ORAI2: variants seen among roughly 807,000 people sequenced by gnomAD.
ORAI2 encodes protein orai-2.
In ORAI2, 10 loss-of-function variants were observed where a neutral mutation model predicts 16.2. The observed-to-expected ratio is 0.62, with a 90% CI of 0.38 to 1.04. ORAI2 has a LOEUF of 1.04. Ranked by LOEUF, ORAI2 falls within the 50% of genes least tolerant of loss-of-function variation. ORAI2 has a pLI of 0.01. For synonymous variants in ORAI2, 150 were observed against 157.5 expected, an observed-to-expected ratio of 0.95 and a Z score of 0.35; for missense variants, 238 against 355.5, an observed-to-expected ratio of 0.67 and a Z score of 2.66.
chr7:102,445,465 G>A (rs994530975), intron 3 of ORAI2, among the ~76,000 whole-genome samples: 3 of 151,114 alleles, frequency 2.0e-5, no homozygotes, highest in East Asian at 2.0e-4. Context: ...TCCTTTTTTT[G>A]TAGAGACGAG....
intron 1 of ORAI2, among the ~76,000 whole-genome samples, chr7:102,435,225 T>G (rs1450906120): frequency 6.6e-6 from 1 of 152,144 alleles, no homozygotes; most frequent in Admixed American, 6.6e-5. Flanking sequence ...GAGCTGAGAT[T>G]GTGCCACTGC....
intron 1 of ORAI2, among the ~76,000 whole-genome samples, chr7:102,435,695 T>C (rs999693479): frequency 6.6e-6 from 1 of 151,412 alleles, no homozygotes; most frequent in Non-Finnish European, 1.5e-5. Context: ...AGTGCCGCGG[T>C]AGGATCTCAG....
chr7:102,444,343 G>T (rs571059501), intron 3 of ORAI2, among the ~76,000 whole-genome samples: 1 of 147,996 alleles, frequency 6.8e-6, no homozygotes, highest in Admixed American at 6.7e-5. Flanking sequence ...ACCCCTGCCC[G>T]CCAGATTCAA....
intron 2 of ORAI2, among the ~76,000 whole-genome samples, chr7:102,437,927 T>G (rs1377383843): frequency 6.6e-6 from 1 of 152,146 alleles, no homozygotes; most frequent in African/African-American, 2.4e-5. Context: ...CCTGTGCTTA[T>G]GGTCCTAGCT....
chr7:102,446,621 C>G lies in ORAI2; in HGVS notation c.334C>G (p.Leu112Val), dbSNP rs946046249. ...TVLVAVHLFA[L>V]LISTCILPNV... ...GCTGGTGGCCGTGCACCTGTTCGCC[C>G]TCCTCATCAGCACCTGCATCCTGCC... The change falls in exon 4 of 4, where the codon CTC becomes GTC. Residue 112 changes from leucine to valine, a missense_variant. Physicochemically the swap from Leu to Val is conservative, Grantham distance 32. Coordinates refer to ENST00000495936, the MANE Select transcript of ORAI2 (RefSeq NM_001126340.3). 3 of 1,613,934 alleles carry G rather than the reference C, an allele frequency of 1.9e-6. No individual in the cohort carries two copies. The highest frequency in any genetic ancestry group is 2.5e-6 in the Non-Finnish European group (3 of 1,180,056).
At chr7:102,438,577 C>A (rs1322927789) in intron 2 of ORAI2, among the ~76,000 whole-genome samples, 2 of 152,196 alleles carry the variant, frequency 1.3e-5, no homozygotes, top group Non-Finnish European at 2.9e-5. Flanking sequence ...GAGTTCGAGA[C>A]CAGCCTGGCC....
chr7:102,445,934 T>C (rs114164160), intron 3 of ORAI2, among the ~76,000 whole-genome samples: 2,989 of 151,738 alleles, frequency 0.02, 89 homozygotes, highest in African/African-American at 0.068. Context: ...TCCTTTCTTT[T>C]CTTTCTTTAA....
At chr7:102,438,329 C>T (rs1037002845) in intron 2 of ORAI2, among the ~76,000 whole-genome samples, 1 of 151,778 alleles carries the variant, frequency 6.6e-6, no homozygotes, top group Admixed American at 6.6e-5. Context: ...GAGACTGTCT[C>T]AAAAAAATAT....
At chr7:102,445,687 C>T (rs1563637928) in intron 3 of ORAI2, among the ~76,000 whole-genome samples, 1 of 151,818 alleles carries the variant, frequency 6.6e-6, no homozygotes, top group African/African-American at 2.4e-5. Flanking sequence ...GCAATCGGGG[C>T]TCCCAGCAGC....
rs1563644848 is a variant in ORAI2, at chr7:102,454,671, C to T, written c.*7619C>T. 1 of 152,316 alleles carries T rather than the reference C, an allele frequency of 6.6e-6. No homozygotes were observed. The highest frequency in any genetic ancestry group is 1.5e-5 in the Non-Finnish European group (1 of 68,070). The allele number at this position is 152,316 out of a possible 1,614,324, so 9.4% of individuals were successfully genotyped here. ...GGCCTGCTCTGGAGCGGGATGTCTC[C>T]AGAAGCCGCCCTTGGAGCGGGCACT... On this transcript the variant is annotated 3_prime_UTR_variant, in exon 4 of 4. Coordinates refer to ENST00000495936, the MANE Select transcript of ORAI2 (RefSeq NM_001126340.3).
intron 2 of ORAI2, 109 bp downstream of exon 2, chr7:102,436,442 ACT>A: frequency 1.6e-6 from 1 of 620,848 alleles, no homozygotes; most frequent in East Asian, 1.4e-4. Flanking sequence ...GAAAGGCGAC[ACT>A]GTTTTCCACC....
rs11303680 is a variant in ORAI2, at chr7:102,448,716, CAA to C, written c.*1679_*1680del. On this transcript the variant is annotated 3_prime_UTR_variant, in exon 4 of 4. Transcript: ENST00000495936. ...TGGGCGACAGAGCCAGACTCCATCTCAAAAAAAAAAAAAAAATTAGCCGGGCG... is the reference window on the plus strand; with the variant it reads ...TGGGCGACAGAGCCAGACTCCATCTCAAAAAAAAAAAAAATTAGCCGGGCG... 8.4e-3 allele frequency: 909 copies of C among 107,624 alleles called. 10 individuals are homozygous for C. Among genetic ancestry groups the C allele is most frequent in the African/African-American group, 0.029 (851 of 29,676 alleles). The allele number at this position is 107,624 out of a possible 1,614,324, so 6.7% of individuals were successfully genotyped here.
intron 3 of ORAI2, among the ~76,000 whole-genome samples, chr7:102,441,599 G>GTT (rs113783886): frequency 3.6e-4 from 53 of 147,746 alleles, no homozygotes; most frequent in Middle Eastern, 7.0e-3. Context: ...GCCCAGGCTG[G>GTT]TTTTTTTTTT....
intron 3 of ORAI2, among the ~76,000 whole-genome samples, chr7:102,439,956 C>G (rs989038037): frequency 6.6e-6 from 1 of 151,908 alleles, no homozygotes. Flanking sequence ...GTAGCAGGCG[C>G]CTGTAATCCC....
chr7:102,434,601 GC>G (rs1237774733), intron 1 of ORAI2: 1 of 152,642 alleles, frequency 6.6e-6, no homozygotes, highest in Admixed American at 6.5e-5. Context: ...TCCTTTGGAG[GC>G]CACCAGGCTC....
intron 3 of ORAI2, among the ~76,000 whole-genome samples, chr7:102,442,680 C>T (rs1797237652): frequency 6.6e-6 from 1 of 151,102 alleles, no homozygotes; most frequent in Non-Finnish European, 1.5e-5. Flanking sequence ...GAGCAGGACT[C>T]CGTCTCAAAA....
rs368622431 is a variant in ORAI2 at position 102,445,905 on chromosome 7, TTCTC to T, written c.226-602_226-599del. On this transcript the variant is annotated intron_variant, in intron 3 of 3. Transcript: ENST00000495936. ...TCTCTCTTTCTTTCTCTCTTTCTCT[TTCTC>T]TCTCTTTCTTTCTTTCCTTTCTTTT... Among the ~76,000 whole-genome samples, 367 of 151,720 alleles carry T rather than the reference TTCTC, an allele frequency of 2.4e-3. 3 individuals are homozygous for T. Among genetic ancestry groups the T allele is most frequent in the African/African-American group, 8.5e-3 (352 of 41,328 alleles).
At chr7:102,441,887 G>A (rs1797214312) in intron 3 of ORAI2, among the ~76,000 whole-genome samples, 1 of 152,108 alleles carries the variant, frequency 6.6e-6, no homozygotes, top group Non-Finnish European at 1.5e-5. Flanking sequence ...GGAAAAATAA[G>A]TGACAAATAC....
chr7:102,439,050 C>T lies in ORAI2; in HGVS notation c.94C>T (p.Arg32Cys), dbSNP rs1198195830. The T allele has an allele frequency of 3.1e-6, 5 of 1,614,072 alleles. No homozygotes were observed. The highest frequency in any genetic ancestry group is 3.4e-6 in the Non-Finnish European group (4 of 1,180,048). Reference protein sequence around the residue: ...KGMDYRDWVRRSYLELVTSNH... With the variant: ...KGMDYRDWVRCSYLELVTSNH... ...CATGGATTACCGGGACTGGGTCCGC[C>T]GCAGCTACCTGGAACTGGTCACCTC... Residue 32 changes from arginine (R) to cysteine (C), a missense_variant, in exon 3 of 4, where the codon CGC becomes TGC. Physicochemically the swap from Arg to Cys is radical, Grantham distance 180 (BLOSUM62 -3). Coordinates refer to ENST00000495936, the MANE Select transcript of ORAI2 (RefSeq NM_001126340.3).
Sources: allele counts gnomAD v4.1 joint callset (sites outside exome capture counted in the v4.1 genomes callset), GRCh38; gene constraint gnomAD v4.1.1; transcripts MANE v1.5; gene names NCBI Gene and HGNC (gene_info 2026-07-23, HGNC 2026-07-21).